Variants in MYO18B observed in about 807,000 individuals in gnomAD.
MYO18B encodes the protein unconventional myosin-XVIIIb.
In MYO18B, 204 loss-of-function variants were observed where a neutral mutation model predicts 273.0. The observed-to-expected ratio is 0.75, with a 90% CI of 0.67 to 0.84. MYO18B has a LOEUF of 0.84. Among genes scored for constraint, MYO18B ranks in the 40% least tolerant of loss-of-function variants. The probability of loss-of-function intolerance (pLI) is 0.00; values close to 1 mark genes in which losing one functional copy is unlikely to be tolerated. For synonymous variants in MYO18B, 1,330 were observed against 1,305.7 expected (o/e 1.02, Z -0.40); for missense variants, 3,212 against 3,287.6 (o/e 0.98, Z 0.56).
At chr22:25,748,942 T>C (rs908870217) in intron 1 of MYO18B, among the ~76,000 whole-genome samples, 1 of 152,226 alleles carries the variant, frequency 6.6e-6, no homozygotes. Flanking sequence ...GGACTTTGTA[T>C]GGAATCATGA....
chr22:25,909,740 C>T (rs1395166716), intron 32 of MYO18B, among the ~76,000 whole-genome samples: 1 of 152,194 alleles, frequency 6.6e-6, no homozygotes, highest in African/African-American at 2.4e-5. Flanking sequence ...ATAACAAATA[C>T]TGATATTGAC....
At chr22:25,792,952 A>G (rs1468432576) in intron 11 of MYO18B, among the ~76,000 whole-genome samples, 2 of 152,110 alleles carry the variant, frequency 1.3e-5, no homozygotes, top group African/African-American at 4.8e-5. Flanking sequence ...CTCTTTGCAC[A>G]CCTGTCCCCT....
chr22:25,876,768 G>A (rs142050605), intron 24 of MYO18B: 88 of 152,160 alleles, frequency 5.8e-4, no homozygotes, highest in Non-Finnish European at 1.2e-3. Context: ...TTATTATTTT[G>A]CAAAAATTAG....
intron 21 of MYO18B, among the ~76,000 whole-genome samples, chr22:25,851,901 C>G (rs1163982413): frequency 1.3e-5 from 2 of 152,202 alleles, no homozygotes; most frequent in Non-Finnish European, 2.9e-5. Flanking sequence ...AGACCAAACC[C>G]CCACAACAAT....
rs770116314 is a variant in MYO18B, at chr22:25,761,108, C to T, written c.16C>T (p.Arg6Cys). The T allele has an allele frequency of 4.3e-6, 7 of 1,613,444 alleles. No individual in the cohort carries two copies. The highest frequency in any genetic ancestry group is 5.1e-6 in the Non-Finnish European group (6 of 1,179,904). MAISS[R>C]LALWEQKIRE... ...CTGCCTCAGCATGGCCATCTCATCA[C>T]GCCTCGCCCTGTGGGAGCAGAAGGA... Residue 6 changes from arginine (R) to cysteine (C), a missense_variant, in exon 2 of 44, where the codon CGC (arginine) becomes TGC (cysteine). Physicochemically the swap from Arg to Cys is radical, Grantham distance 180 (BLOSUM62 -3). Transcript: ENST00000335473.
At chr22:25,880,956 T>C (rs775310612) in intron 25 of MYO18B, among the ~76,000 whole-genome samples, 5 of 152,232 alleles carry the variant, frequency 3.3e-5, no homozygotes, top group Admixed American at 6.5e-5. Context: ...GAGATAATAT[T>C]TGTCAGTCCA....
intron 17 of MYO18B, among the ~76,000 whole-genome samples, chr22:25,836,246 C>G (rs370212608): frequency 2.0e-5 from 3 of 152,302 alleles, no homozygotes; most frequent in South Asian, 4.1e-4. Context: ...GTGGGGCAAA[C>G]CTCTCGTAGT....
Position 26,005,736 on chromosome 22 carries a change from AC to A in MYO18B, c.6470+884del, listed in dbSNP as rs541772961. Among the ~76,000 whole-genome samples the A allele has an allele frequency of 3.9e-5, 6 of 152,320 alleles. 1 individual carries two copies. The South Asian group carries it at 1.2e-3, about 32-fold the overall frequency. On this transcript the variant is annotated intron_variant, in intron 42 of 43. Transcript: ENST00000335473. ...GAAAAATCACAGACTCACGGAGCAA[AC>A]CCAGACAACCGCTTCCTGACTCAAA... is the stretch of plus-strand genomic sequence containing the variant.
At chr22:26,039,453 A>C in the MYO18B span, among the ~76,000 whole-genome samples, 1 of 152,008 alleles carries the variant, frequency 6.6e-6, no homozygotes, top group East Asian at 1.9e-4. Context: ...AAGACCATCC[A>C]CTGGTCTTAA....
At chr22:25,992,815 C>T (rs2146853378) in intron 40 of MYO18B, among the ~76,000 whole-genome samples, 1 of 152,284 alleles carries the variant, frequency 6.6e-6, no homozygotes, top group Non-Finnish European at 1.5e-5. Context: ...GTAAAATGGG[C>T]ATAATAATAT....
intron 28 of MYO18B, among the ~76,000 whole-genome samples, chr22:25,895,925 T>G (rs1456912280): frequency 7.3e-6 from 1 of 136,378 alleles, no homozygotes; most frequent in African/African-American, 3.1e-5. Context: ...TTGTGGAATG[T>G]TTTTTTTTTT....
chr22:25,826,380 A>G (rs749539448), intron 13 of MYO18B, 29 bp from the exon 14 acceptor site: 1 of 1,586,504 alleles, frequency 6.3e-7, no homozygotes, highest in Non-Finnish European at 8.6e-7. Flanking sequence ...ATCCCTAACC[A>G]AGAATGCTGA....
At chr22:25,840,927 C>T (rs1387613927) in intron 17 of MYO18B, among the ~76,000 whole-genome samples, 3 of 152,184 alleles carry the variant, frequency 2.0e-5, no homozygotes, top group African/African-American at 7.2e-5. Context: ...TGAGAAGACA[C>T]ATTAATTATG....
intron 21 of MYO18B, among the ~76,000 whole-genome samples, chr22:25,860,534 T>A (rs1447491129): frequency 6.6e-6 from 1 of 152,202 alleles, no homozygotes; most frequent in East Asian, 1.9e-4. Context: ...ACACAAAAAT[T>A]TTCATTTAGT....
Position 26,000,682 on chromosome 22 carries a change from G to A in MYO18B, c.6288-2583G>A, listed in dbSNP as rs1222598155. Among the ~76,000 whole-genome samples, 6 of 150,886 alleles carry A rather than the reference G, an allele frequency of 4.0e-5. No individual in the cohort carries two copies. The South Asian group carries it at 1.0e-3, about 26-fold the overall frequency. ...TTCAGCATTTGTTCGTACAATAAACGTGAGCTATAGTTCCCAGAAGCTCTT... is the reference window on the plus strand; with the variant it reads ...TTCAGCATTTGTTCGTACAATAAACATGAGCTATAGTTCCCAGAAGCTCTT... On this transcript the variant is annotated intron_variant, in intron 40 of 43. Coordinates refer to ENST00000335473, the MANE Select transcript of MYO18B (RefSeq NM_032608.7).
intron 39 of MYO18B, among the ~76,000 whole-genome samples, chr22:25,958,208 G>A (rs993028425): frequency 7.9e-5 from 12 of 152,060 alleles, no homozygotes; most frequent in South Asian, 4.2e-4. Context: ...GAGCCACCGC[G>A]CCTGGCCTAC....
At chr22:26,047,458 G>A in the MYO18B span, among the ~76,000 whole-genome samples, 3 of 152,124 alleles carry the variant, frequency 2.0e-5, no homozygotes, top group South Asian at 2.1e-4. Flanking sequence ...GTATGTTTAG[G>A]GGGGATGCTA....
At chr22:26,045,630 C>G in the MYO18B span, among the ~76,000 whole-genome samples, 17 of 152,188 alleles carry the variant, frequency 1.1e-4, no homozygotes, top group Non-Finnish European at 2.1e-4. Context: ...AGGGCTGCAC[C>G]CCAACTGTGG....
At position 25,763,345 on chromosome 22, in the gene MYO18B, G is replaced by T. The variant is rs2086394962; in HGVS notation, c.154G>T (p.Ala52Ser). The change falls in exon 3 of 44, where the codon GCG (alanine) becomes TCG (serine). Residue 52 changes from alanine (A) to serine (S), a missense_variant. Transcript: ENST00000335473. ...GGGGACTGAAAAAGAGGCCAAGGAA[G>T]CGAGACAGAGGAAGCAGTTAGCTGT... Reference protein sequence around the residue: ...VRGTEKEAKEARQRKQLAVAS... With the variant: ...VRGTEKEAKESRQRKQLAVAS... 2 of 1,612,832 alleles carry T rather than the reference G, an allele frequency of 1.2e-6. No homozygotes were observed. The highest frequency in any genetic ancestry group is 2.7e-5 in the African/African-American group (2 of 74,926).
Sources: allele counts gnomAD v4.1 joint callset (sites outside exome capture counted in the v4.1 genomes callset), GRCh38; gene constraint gnomAD v4.1.1; transcripts MANE v1.5; gene names NCBI Gene and HGNC (gene_info 2026-07-23, HGNC 2026-07-21).